Variants in PDE4D observed in about 807,000 individuals in gnomAD.
The protein encoded by PDE4D is phosphodiesterase 4D.
PDE4D carries 24 observed loss-of-function variants against 87.4 expected under a neutral mutation model. The ratio of observed to expected loss-of-function variants is 0.27; its 90% CI spans 0.20 to 0.39. The LOEUF (loss-of-function observed/expected upper bound fraction) is 0.39. Among genes scored for constraint, PDE4D ranks in the 10% least tolerant of loss-of-function variants. PDE4D has a pLI of 1.00. For missense variants in PDE4D, 714 were observed against 1,041.0 expected (o/e 0.69, Z 4.32); for synonymous variants, 384 against 383.2 (o/e 1.00, Z -0.02).
chr5:60,035,921 C>A (rs1017989464), intron 2 of PDE4D, among the ~76,000 whole-genome samples: 2 of 152,154 alleles, frequency 1.3e-5, no homozygotes, highest in Non-Finnish European at 2.9e-5. Flanking sequence ...ACATTCCCAG[C>A]AGATTCAAAC....
At chr5:59,431,890 G>A (rs1036698230) in intron 1 of PDE4D, among the ~76,000 whole-genome samples, 3 of 152,004 alleles carry the variant, frequency 2.0e-5, no homozygotes, top group Admixed American at 6.6e-5. Flanking sequence ...TTGGTTTTCT[G>A]TTCTTGTGTT....
At chr5:59,023,626 A>G (rs1169342315) in intron 6 of PDE4D, among the ~76,000 whole-genome samples, 2 of 152,188 alleles carry the variant, frequency 1.3e-5, no homozygotes, top group African/African-American at 2.4e-5. Context: ...ACTGCACTCC[A>G]GCCTGGTTGA....
intron 1 of PDE4D, among the ~76,000 whole-genome samples, chr5:59,255,504 CA>C (rs1164124320): frequency 1.3e-5 from 2 of 152,014 alleles, no homozygotes; most frequent in Non-Finnish European, 2.9e-5. Flanking sequence ...AAATGTTCTA[CA>C]TTGATTTTGG....
intron 1 of PDE4D, among the ~76,000 whole-genome samples, chr5:59,542,808 A>G (rs915786070): frequency 7.9e-5 from 12 of 152,178 alleles, no homozygotes; most frequent in African/African-American, 2.9e-4. Context: ...TTTAGTATAC[A>G]GTATGTAAGA....
chr5:59,679,679 AAC>A (rs1385688076), intron 1 of PDE4D, among the ~76,000 whole-genome samples: 3 of 152,172 alleles, frequency 2.0e-5, no homozygotes, highest in Non-Finnish European at 4.4e-5. Context: ...GCTCTTTCTC[AAC>A]ATCAAGTAAC....
intron 2 of PDE4D, chr5:60,160,649 T>C (rs1782396110): frequency 4.4e-6 from 1 of 226,546 alleles, no homozygotes; most frequent in Non-Finnish European, 9.0e-6. Flanking sequence ...AAAATCCCTT[T>C]GATATGAAAT....
chr5:59,635,293 A>G (rs1480324026), intron 1 of PDE4D, among the ~76,000 whole-genome samples: 1 of 152,158 alleles, frequency 6.6e-6, no homozygotes, highest in Admixed American at 6.5e-5. Flanking sequence ...ATTCACAGCC[A>G]AATTCTACCA....
intron 1 of PDE4D, among the ~76,000 whole-genome samples, chr5:59,694,741 T>C (rs1300068974): frequency 1.3e-5 from 2 of 152,130 alleles, no homozygotes; most frequent in Admixed American, 6.5e-5. Flanking sequence ...AGAAGGACCA[T>C]GGATCTACGG....
chr5:60,401,342 C>T (rs947924624), intron 1 of PDE4D, among the ~76,000 whole-genome samples: 17 of 152,154 alleles, frequency 1.1e-4, no homozygotes. Flanking sequence ...ATATAACACA[C>T]TTCACAATGA....
chr5:60,167,321 G>T (rs1562175484), intron 2 of PDE4D, among the ~76,000 whole-genome samples: 1 of 134,206 alleles, frequency 7.5e-6, no homozygotes, highest in Non-Finnish European at 1.5e-5. Flanking sequence ...AGGCTGGAGT[G>T]CAGTGGAGCA....
intron 1 of PDE4D, among the ~76,000 whole-genome samples, chr5:59,539,041 A>G (rs1256724591): frequency 6.6e-6 from 1 of 152,146 alleles, no homozygotes; most frequent in African/African-American, 2.4e-5. Flanking sequence ...CTGCTTGCAT[A>G]ACATCCTATA....
chr5:59,133,364 T>C (rs1266846575), intron 5 of PDE4D, among the ~76,000 whole-genome samples: 1 of 152,172 alleles, frequency 6.6e-6, no homozygotes, highest in African/African-American at 2.4e-5. Flanking sequence ...GCAAGTTAAG[T>C]CTTAGTTTTC....
intron 1 of PDE4D, among the ~76,000 whole-genome samples, chr5:59,347,699 A>G (rs143121088): frequency 6.6e-6 from 1 of 152,250 alleles, no homozygotes; most frequent in Non-Finnish European, 1.5e-5. Context: ...TCTTCCCCCT[A>G]CATCTTCTTT....
intron 2 of PDE4D, among the ~76,000 whole-genome samples, chr5:60,079,313 T>A (rs1420238529): frequency 6.6e-6 from 1 of 152,174 alleles, no homozygotes; most frequent in Non-Finnish European, 1.5e-5. Context: ...TAGGAAAAAT[T>A]TTCTCCCATT....
intron 1 of PDE4D, among the ~76,000 whole-genome samples, chr5:59,409,169 G>T (rs1792227340): frequency 6.6e-6 from 1 of 151,810 alleles, no homozygotes; most frequent in Non-Finnish European, 1.5e-5. Context: ...AAAAGAATGG[G>T]AATGTTTACC....
At chr5:59,364,154 T>A (rs1018486674) in intron 1 of PDE4D, among the ~76,000 whole-genome samples, 2 of 152,224 alleles carry the variant, frequency 1.3e-5, no homozygotes, top group Non-Finnish European at 2.9e-5. Context: ...TAGCTATCTC[T>A]CAGAACCAGC....
At chr5:59,661,819 T>C (rs1745294007) in intron 1 of PDE4D, among the ~76,000 whole-genome samples, 2 of 152,240 alleles carry the variant, frequency 1.3e-5, no homozygotes, top group African/African-American at 4.8e-5. Context: ...ATGAGCATTG[T>C]AGGCCAGGAT....
intron 1 of PDE4D, among the ~76,000 whole-genome samples, chr5:59,655,515 A>G (rs1369414956): frequency 6.6e-6 from 1 of 152,200 alleles, no homozygotes; most frequent in Non-Finnish European, 1.5e-5. Flanking sequence ...ATTGTTTACA[A>G]CTTATCAGTA....
At chr5:60,486,999 T>G (rs373327168) in intron 1 of PDE4D, among the ~76,000 whole-genome samples, 3 of 152,358 alleles carry the variant, frequency 2.0e-5, no homozygotes, top group African/African-American at 7.2e-5. Context: ...TATGATAGGC[T>G]AGGGGAAATC....
Sources: gnomAD v4.1 joint callset for allele counts (sites outside exome capture counted in the v4.1 genomes callset) on GRCh38, gnomAD v4.1.1 for gene constraint, MANE v1.5 for transcripts, NCBI Gene and HGNC (gene_info 2026-07-23, HGNC 2026-07-21) for gene names.